Variants in CTDSP2 observed in about 807,000 individuals in gnomAD.
CTDSP2 encodes the protein carboxy-terminal domain RNA polymerase II polypeptide A small phosphatase 2.
A neutral mutation model predicts 31.6 loss-of-function variants in CTDSP2; 9 were observed. The observed-to-expected ratio is 0.28, with a 90% CI of 0.17 to 0.50. CTDSP2 has a LOEUF of 0.50. Ranked by LOEUF, CTDSP2 falls within the 20% of genes least tolerant of loss-of-function variation. The pLI is 0.98. For synonymous variants in CTDSP2, 134 were observed against 134.5 expected (o/e 1.00, Z 0.03); for missense variants, 267 against 348.5 (o/e 0.77, Z 1.86).
intron 2 of CTDSP2, among the ~76,000 whole-genome samples, chr12:57,828,014 G>A (rs1179330718): frequency 6.6e-6 from 1 of 152,108 alleles, no homozygotes; most frequent in Non-Finnish European, 1.5e-5. Context: ...GGGGTTATGT[G>A]GGGGAACAAG....
At chr12:57,835,534 C>T (rs953558005) in intron 1 of CTDSP2, among the ~76,000 whole-genome samples, 10 of 152,354 alleles carry the variant, frequency 6.6e-5, no homozygotes, top group South Asian at 2.1e-4. Flanking sequence ...AGCCCAACTA[C>T]GAGCTGCTCT....
chr12:57,844,891 G>T (rs914839629), intron 1 of CTDSP2, among the ~76,000 whole-genome samples: 1 of 151,834 alleles, frequency 6.6e-6, no homozygotes, highest in Non-Finnish European at 1.5e-5. Flanking sequence ...GGAACACACT[G>T]CCTCCCTCCC....
chr12:57,846,542 C>A lies in CTDSP2; in HGVS notation c.-107G>T. 1 of 860,088 alleles carries A rather than the reference C, an allele frequency of 1.2e-6. No individual in the cohort carries two copies. The highest frequency in any genetic ancestry group is 2.1e-5 in the South Asian group (1 of 47,622). The allele number at this position is 860,088 out of a possible 1,614,324, so 53.3% of individuals were successfully genotyped here. Reference sequence around the variant, plus strand: ...GGGGCCCGCTCCGGCTCCCGAGACTCCGACTTCCACAGCTGTTCACATCCC... The same window carrying A: ...GGGGCCCGCTCCGGCTCCCGAGACTACGACTTCCACAGCTGTTCACATCCC... On this transcript the variant is annotated 5_prime_UTR_variant, in exon 1 of 8. Transcript: ENST00000398073.
At chr12:57,841,082 G>A (rs757971311) in intron 1 of CTDSP2, among the ~76,000 whole-genome samples, 15 of 152,136 alleles carry the variant, frequency 9.9e-5, no homozygotes, top group South Asian at 2.1e-4. Context: ...TAAGATTTGC[G>A]TGTTAATGTG....
In CTDSP2 at chr12:57,823,682, G is replaced by A. The variant is rs777479243; in HGVS notation, c.736C>T (p.Leu246=). Residue 246 remains leucine, a synonymous_variant, in exon 8 of 8, where the codon CTG becomes TTG. Transcript: ENST00000398073. ...TCCTCAAAGATTGGGATCAGGTTCA[G>A]CAACTCAGTGTCTGCCATGTCATCA... ...WFDDMADTEL[L]NLIPIFEELS... is the part of the protein sequence containing the mutation. 3 of 1,614,124 alleles carry A rather than the reference G, an allele frequency of 1.9e-6. No individual in the cohort carries two copies. In the South Asian group the frequency reaches 3.3e-5, roughly 18 times the overall value.
Position 57,823,371 on chromosome 12 carries a change from TCA to T in CTDSP2, c.*229_*230del, listed in dbSNP as rs1423919988. On this transcript the variant is annotated 3_prime_UTR_variant, in exon 8 of 8. Transcript: ENST00000398073. ...AACACACACACAAACACACACTCTC[TCA>T]CAGTCAAACACACATCTCAACAAGT... 1 of 564,030 alleles carries T rather than the reference TCA, an allele frequency of 1.8e-6. No homozygotes were observed. The highest frequency in any genetic ancestry group is 3.2e-6 in the Non-Finnish European group (1 of 314,366). The allele number at this position is 564,030 out of a possible 1,614,324, so 34.9% of individuals were successfully genotyped here.
At chr12:57,824,545 G>C (rs1378516945) in intron 5 of CTDSP2, 5 of 667,634 alleles carry the variant, frequency 7.5e-6, no homozygotes, top group Admixed American at 1.9e-5. Context: ...ACCTCAACCT[G>C]GCTCAGGAAG....
rs1956160440 is a variant in CTDSP2 at position 57,823,374 on chromosome 12, C to A, written c.*228G>T. ...ACACACACAAACACACACTCTCTCA[C>A]AGTCAAACACACATCTCAACAAGTT... is the stretch of plus-strand genomic sequence containing the variant. On this transcript the variant is annotated 3_prime_UTR_variant, in exon 8 of 8. Coordinates refer to ENST00000398073, the MANE Select transcript of CTDSP2 (RefSeq NM_005730.4). 3 of 566,868 alleles carry A rather than the reference C, an allele frequency of 5.3e-6. No homozygotes were observed. The highest frequency in any genetic ancestry group is 3.0e-5 in the Admixed American group (1 of 32,998). 35.1% of individuals were successfully genotyped at this position (566,868 alleles called of 1,614,324 possible).
chr12:57,833,151 G>A (rs1369756166), intron 1 of CTDSP2, among the ~76,000 whole-genome samples: 1 of 152,222 alleles, frequency 6.6e-6, no homozygotes, highest in African/African-American at 2.4e-5. Context: ...AGTGACAGAC[G>A]CTGTGAAGGC....
At chr12:57,845,154 TGGA>T (rs1327830943) in intron 1 of CTDSP2, among the ~76,000 whole-genome samples, 8 of 151,874 alleles carry the variant, frequency 5.3e-5, no homozygotes, top group Non-Finnish European at 1.2e-4. Context: ...TCGCGCTCGG[TGGA>T]GAAGGGGAGG....
intron 1 of CTDSP2, among the ~76,000 whole-genome samples, chr12:57,831,103 T>TAAAAA (rs11309444): frequency 8.1e-4 from 99 of 121,626 alleles, no homozygotes; most frequent in African/African-American, 2.8e-3. Flanking sequence ...GCCAAGCAGA[T>TAAAAA]AAAAAAAAAA....
Position 57,820,539 on chromosome 12 carries a change from G to C in CTDSP2, c.*3063C>G, listed in dbSNP as rs760704187. The C allele has an allele frequency of 2.0e-5, 3 of 152,584 alleles. No individual in the cohort carries two copies. In the South Asian group the frequency reaches 6.2e-4, roughly 32 times the overall value. 9.5% of individuals were successfully genotyped at this position (152,584 alleles called of 1,614,324 possible). A position where few individuals can be genotyped will look rare whatever the true frequency, so the allele number is the denominator to read the frequency against. On this transcript the variant is annotated 3_prime_UTR_variant, in exon 8 of 8. Transcript: ENST00000398073. Reference sequence around the variant, plus strand: ...AGAATAGAATAGCATCCATTTCCCAGAGAAAGACTGCCTTTACATTTCCCA... The same window carrying C: ...AGAATAGAATAGCATCCATTTCCCACAGAAAGACTGCCTTTACATTTCCCA...
intron 1 of CTDSP2, chr12:57,842,698 A>T (rs1053165294): frequency 6.6e-6 from 1 of 152,422 alleles, no homozygotes; most frequent in African/African-American, 2.4e-5. Context: ...CTGTGAGAGC[A>T]CAAAGAGGCC....
At chr12:57,823,766 T>G in intron 7 of CTDSP2, 39 bp from the exon 8 acceptor site, 1 of 1,612,892 alleles carries the variant, frequency 6.2e-7, no homozygotes, top group Non-Finnish European at 8.5e-7. Flanking sequence ...TCCCGACTGC[T>G]GCTTCCCCCT....
intron 2 of CTDSP2, among the ~76,000 whole-genome samples, chr12:57,828,652 C>T (rs1283233437): frequency 1.3e-5 from 2 of 152,204 alleles, no homozygotes; most frequent in Non-Finnish European, 2.9e-5. Context: ...GCTAATCACT[C>T]AGTAATACTG....
chr12:57,824,190 C>CA (rs767907387), intron 6 of CTDSP2, 37 bp downstream of exon 6: 1 of 1,610,194 alleles, frequency 6.2e-7, no homozygotes, highest in Non-Finnish European at 8.5e-7. Flanking sequence ...GTGGCCACCA[C>CA]ACCCACTCCT....
Position 57,824,091 on chromosome 12 carries a change from T to G in CTDSP2, c.505-2A>C. 6.2e-7 allele frequency: 1 copy of G among 1,613,768 alleles called. No homozygotes were observed. Among genetic ancestry groups the G allele is most frequent in the Non-Finnish European group, 8.5e-7 (1 of 1,179,876 alleles). On this transcript the variant is annotated splice_acceptor_variant, in intron 6 of 7. Transcript: ENST00000398073. LOFTEE classifies it high-confidence loss of function. ...CAGGTCTGTCACAGGGTCGGCATAC[T>G]AGGAGGAGAGAAGATGCCTTAGTTT...
chr12:57,827,312 G>A, intron 3 of CTDSP2: 1 of 627,436 alleles, frequency 1.6e-6, no homozygotes, highest in Non-Finnish European at 2.8e-6. Context: ...GGAGGTGGTG[G>A]CCAGGGCAGG....
rs1956193112 is a variant in CTDSP2 at position 57,827,922 on chromosome 12, A to T, written c.214-332T>A. Among the ~76,000 whole-genome samples the T allele has an allele frequency of 2.0e-5, 3 of 152,168 alleles. No homozygotes were observed. In the South Asian group the frequency reaches 6.2e-4, roughly 31 times the overall value. On this transcript the variant is annotated intron_variant, in intron 2 of 7. Coordinates refer to ENST00000398073, the MANE Select transcript of CTDSP2 (RefSeq NM_005730.4). ...AGTCAGAGGCAGAACCAAAGTCTGA[A>T]TTCCTCACAGTGGCAAACTCTCGCT... is the stretch of plus-strand genomic sequence containing the variant.
Sources: gnomAD v4.1 joint callset for allele counts (sites outside exome capture counted in the v4.1 genomes callset) on GRCh38, gnomAD v4.1.1 for gene constraint, MANE v1.5 for transcripts, NCBI Gene and HGNC (gene_info 2026-07-23, HGNC 2026-07-21) for gene names.